MDGA2: variants seen among roughly 807,000 people sequenced by gnomAD.
MDGA2 encodes MAM domain containing glycosylphosphatidylinositol anchor 2.
MDGA2 carries 40 observed loss-of-function variants against 117.8 expected under a neutral mutation model. That is an observed-to-expected ratio of 0.34 (90% CI 0.26 to 0.44). MDGA2 has a LOEUF of 0.44. Among genes scored for constraint, MDGA2 ranks in the 20% least tolerant of loss-of-function variants. MDGA2 has a pLI of 1.00. For synonymous variants in MDGA2, 452 were observed against 439.0 expected (o/e 1.03, Z -0.37); for missense variants, 1,123 against 1,250.6 (o/e 0.90, Z 1.54).
intron 1 of MDGA2, among the ~76,000 whole-genome samples, chr14:47,408,462 C>G (rs1892306225): frequency 6.6e-6 from 1 of 152,154 alleles, no homozygotes; most frequent in Non-Finnish European, 1.5e-5. Context: ...AGGGGGAAAT[C>G]AGAGATAGTT....
At chr14:47,017,290 GC>G (rs1275782931) in intron 8 of MDGA2, among the ~76,000 whole-genome samples, 1 of 144,810 alleles carries the variant, frequency 6.9e-6, no homozygotes, top group Non-Finnish European at 1.5e-5. Context: ...ATTCATCAAG[GC>G]CCACATTGAA....
At chr14:47,115,664 A>G (rs1881289064) in intron 5 of MDGA2, among the ~76,000 whole-genome samples, 1 of 152,098 alleles carries the variant, frequency 6.6e-6, no homozygotes, top group African/African-American at 2.4e-5. Flanking sequence ...ACACTACATT[A>G]GTAGAATAAA....
Position 47,028,236 on chromosome 14 carries a change from C to T in MDGA2, c.1819+6775G>A, listed in dbSNP as rs147661688. Among the ~76,000 whole-genome samples, 110 of 152,112 alleles carry T rather than the reference C, an allele frequency of 7.2e-4. 2 individuals are homozygous for T. The highest frequency in any genetic ancestry group is 2.6e-3 in the African/African-American group (106 of 41,528). On this transcript the variant is annotated intron_variant, in intron 8 of 16. Coordinates refer to ENST00000399232, the MANE Select transcript of MDGA2 (RefSeq NM_001113498.3). Reference sequence around the variant, plus strand: ...ATCTGGAAAATAACTTTGAACTTACCATTAATGTTTCTAATAGAGTCTTTG... The same window carrying T: ...ATCTGGAAAATAACTTTGAACTTACTATTAATGTTTCTAATAGAGTCTTTG...
At chr14:47,409,752 A>G (rs1892332589) in intron 1 of MDGA2, among the ~76,000 whole-genome samples, 1 of 152,150 alleles carries the variant, frequency 6.6e-6, no homozygotes, top group South Asian at 2.1e-4. Context: ...TAAGAAAGAA[A>G]ACCTCATGAA....
At chr14:47,249,489 A>G (rs932264786) in intron 2 of MDGA2, among the ~76,000 whole-genome samples, 1 of 152,032 alleles carries the variant, frequency 6.6e-6, no homozygotes, top group African/African-American at 2.4e-5. Context: ...ACCCAGCTAA[A>G]TTATATATGT....
chr14:47,097,322 G>A (rs1880033728), intron 5 of MDGA2, among the ~76,000 whole-genome samples, 199 bp from the exon 6 acceptor site: 1 of 152,016 alleles, frequency 6.6e-6, no homozygotes, highest in Non-Finnish European at 1.5e-5. Context: ...ATGTAGAACT[G>A]TATTAAGAAT....
intron 5 of MDGA2, among the ~76,000 whole-genome samples, chr14:47,115,327 T>C (rs1214359009): frequency 6.6e-6 from 1 of 152,038 alleles, no homozygotes; most frequent in Non-Finnish European, 1.5e-5. Flanking sequence ...ATGTCTGGGA[T>C]TGCTGCTCTA....
At chr14:47,088,942 T>C (rs904289863) in intron 6 of MDGA2, among the ~76,000 whole-genome samples, 4 of 152,176 alleles carry the variant, frequency 2.6e-5, no homozygotes, top group African/African-American at 9.6e-5. Flanking sequence ...AGTTAGAACT[T>C]GACATTAAGT....
At chr14:47,265,330 G>T (rs1458179888) in intron 2 of MDGA2, among the ~76,000 whole-genome samples, 1 of 152,002 alleles carries the variant, frequency 6.6e-6, no homozygotes, top group East Asian at 1.9e-4. Context: ...ATTTGTAATG[G>T]TCATTGTGTT....
chr14:47,312,987 C>T lies in MDGA2; in HGVS notation c.281-11437G>A, dbSNP rs551070106. On this transcript the variant is annotated intron_variant, in intron 1 of 16. Transcript: ENST00000399232. ...AAACTGCTAATTAATATTTCCCTGC[C>T]GTTTTTAAACTAATGAAGAAATATT... Among the ~76,000 whole-genome samples, 12 of 150,344 alleles carry T rather than the reference C, an allele frequency of 8.0e-5. No individual in the cohort carries two copies. In the East Asian group the frequency reaches 9.8e-4, roughly 12 times the overall value.
At chr14:47,176,143 A>AT (rs1271985352) in intron 3 of MDGA2, among the ~76,000 whole-genome samples, 1 of 152,220 alleles carries the variant, frequency 6.6e-6, no homozygotes, top group African/African-American at 2.4e-5. Context: ...GCTCAAGGAA[A>AT]TAAAAGAGGA....
At chr14:47,109,276 C>A (rs72678492) in intron 5 of MDGA2, among the ~76,000 whole-genome samples, 17,005 of 152,224 alleles carry the variant, frequency 0.11, 1,093 homozygotes, top group Admixed American at 0.11. Context: ...ACCTGGAATT[C>A]TCTTCCAGTG....
At position 46,950,078 on chromosome 14, in the gene MDGA2, ATT is replaced by A. The variant is rs1252945010; in HGVS notation, c.2089+7294_2089+7295del. Among the ~76,000 whole-genome samples, 4 of 152,094 alleles carry A rather than the reference ATT, an allele frequency of 2.6e-5. No individual in the cohort carries two copies. The South Asian group carries it at 8.3e-4, about 31-fold the overall frequency. On this transcript the variant is annotated intron_variant, in intron 9 of 16. Transcript: ENST00000399232. ...TATTTAAGTATGATATGAAATATAA[ATT>A]CCTCATTATATGTTTACTGGAGAAA...
chr14:47,027,911 T>A (rs2138617013), intron 8 of MDGA2, among the ~76,000 whole-genome samples: 1 of 152,126 alleles, frequency 6.6e-6, no homozygotes, highest in South Asian at 2.1e-4. Flanking sequence ...AAAGATAAAG[T>A]AAGATATATG....
At chr14:47,302,746 G>T (rs1889323593) in intron 1 of MDGA2, among the ~76,000 whole-genome samples, 1 of 152,064 alleles carries the variant, frequency 6.6e-6, no homozygotes, top group African/African-American at 2.4e-5. Flanking sequence ...AAGTAAAATA[G>T]AATAGTTTTC....
intron 1 of MDGA2, among the ~76,000 whole-genome samples, chr14:47,662,708 G>A (rs1897873410): frequency 6.6e-6 from 1 of 152,142 alleles, no homozygotes; most frequent in Middle Eastern, 3.2e-3. Context: ...AGCAGACTCT[G>A]AGTAACAAGA....
chr14:46,844,004 T>TG (rs751729811), intron 16 of MDGA2, among the ~76,000 whole-genome samples: 7 of 152,190 alleles, frequency 4.6e-5, no homozygotes, highest in Non-Finnish European at 1.0e-4. Context: ...ATGTGAAATA[T>TG]GGAGATGAGG....
chr14:47,615,452 T>A (rs1217948942), intron 1 of MDGA2, among the ~76,000 whole-genome samples: 1 of 151,778 alleles, frequency 6.6e-6, no homozygotes, highest in Non-Finnish European at 1.5e-5. Flanking sequence ...CAAGCCCACA[T>A]ACACAACAAT....
At chr14:47,462,737 T>A (rs1893516887) in intron 1 of MDGA2, among the ~76,000 whole-genome samples, 1 of 152,214 alleles carries the variant, frequency 6.6e-6, no homozygotes, top group Non-Finnish European at 1.5e-5. Context: ...TGAAGCATTT[T>A]TTTTTTAAAT....
Sources: allele counts gnomAD v4.1 joint callset (sites outside exome capture counted in the v4.1 genomes callset), GRCh38; gene constraint gnomAD v4.1.1; transcripts MANE v1.5; gene names NCBI Gene and HGNC (gene_info 2026-07-23, HGNC 2026-07-21).